Variants in CHRNA10 observed in about 807,000 individuals in gnomAD.
CHRNA10 encodes the protein neuronal acetylcholine receptor subunit alpha-10.
In CHRNA10, 31 loss-of-function variants were observed where a neutral mutation model predicts 36.0. The ratio of observed to expected loss-of-function variants is 0.86; its 90% CI spans 0.65 to 1.16. The LOEUF (loss-of-function observed/expected upper bound fraction) is 1.16. CHRNA10 is among the 50% of genes most tolerant of loss of function. CHRNA10 has a pLI of 0.00. For missense variants in CHRNA10, 648 were observed against 640.9 expected (o/e 1.01, Z -0.12); for synonymous variants, 302 against 287.0 (o/e 1.05, Z -0.53).
In CHRNA10 at chr11:3,667,424, G is replaced by A. The variant is rs535473918; in HGVS notation, c.703C>T (p.Arg235Cys). 6.9e-6 allele frequency: 11 copies of A among 1,596,878 alleles called. No homozygotes were observed. Among genetic ancestry groups the A allele is most frequent in the East Asian group, 4.5e-5 (2 of 44,574 alleles). ...DVTFTLLLRR[R>C]AAAYVCNLLL... ...AGGTTGCACACGTAGGCGGCGGCGC[G>A]GCGGCGCAGCAGCAGCGTGAAGGTG... Residue 235 changes from arginine (R) to cysteine (C), a missense_variant, in exon 4 of 5, where the codon CGC becomes TGC. By Grantham distance (180) the Arg-to-Cys change is radical (BLOSUM62 -3). Coordinates refer to ENST00000250699, the MANE Select transcript of CHRNA10 (RefSeq NM_020402.4).
rs761382564 is a variant in CHRNA10, at chr11:3,667,539, G to A, written c.588C>T (p.Phe196=). The A allele has an allele frequency of 3.2e-6, 5 of 1,584,816 alleles. No homozygotes were observed. Among genetic ancestry groups the A allele is most frequent in the Admixed American group, 3.4e-5 (2 of 58,344 alleles). The part of the protein sequence containing the change: ...PRGAAASLAD[F]VENVEWRVLG... ...GCACGCGCCACTCCACGTTCTCCAC[G>A]AAGTCCGCCAGGCTGGCTGCAGCGC... The change falls in exon 4 of 5, where the codon TTC becomes TTT. Residue 196 remains phenylalanine (F), a synonymous_variant. Coordinates refer to ENST00000250699, the MANE Select transcript of CHRNA10 (RefSeq NM_020402.4).
chr11:3,671,140 AG>A (rs1328368011), intron 1 of CHRNA10, 111 bp downstream of exon 1: 2 of 1,126,024 alleles, frequency 1.8e-6, no homozygotes, highest in African/African-American at 1.5e-5. Context: ...GCTTGTTCTC[AG>A]AACAGGTACT....
At chr11:3,668,427 T>A (rs958181363) in intron 3 of CHRNA10, 1 of 152,158 alleles carries the variant, frequency 6.6e-6, no homozygotes, top group Non-Finnish European at 1.5e-5. Context: ...GCAGGAGAAT[T>A]GCGTGAACCC....
chr11:3,666,440 C>T lies in CHRNA10; in HGVS notation c.1020G>A (p.Leu340=), dbSNP rs1207162270. ...ACAGGCCCCGTGCCAGGTGTCCCAG[C>T]AGGAGGGCCCTAGCCCAGGCTGGCA... ...RPVPAWARAL[L]LGHLARGLCV... is the part of the protein sequence containing the mutation. Residue 340 remains leucine, a synonymous_variant, in exon 5 of 5, where the codon CTG becomes CTA. Coordinates refer to ENST00000250699, the MANE Select transcript of CHRNA10 (RefSeq NM_020402.4). 2 of 1,613,780 alleles carry T rather than the reference C, an allele frequency of 1.2e-6. No homozygotes were observed. The highest frequency in any genetic ancestry group is 1.7e-6 in the Non-Finnish European group (2 of 1,179,896).
Position 3,667,454 on chromosome 11 carries a change from C to A in CHRNA10, c.673G>T (p.Asp225Tyr). 2 of 1,594,356 alleles carry A rather than the reference C, an allele frequency of 1.3e-6. No homozygotes were observed. The highest frequency in any genetic ancestry group is 8.5e-7 in the Non-Finnish European group (1 of 1,175,946). Reference protein sequence around the residue: ...TYGCCSEPYPDVTFTLLLRRR... With the variant: ...TYGCCSEPYPYVTFTLLLRRR... Reference sequence around the variant, plus strand: ...CGCAGCAGCAGCGTGAAGGTGACGTCGGGGTAGGGCTCGGAGCAGCAGCCG... The same window carrying A: ...CGCAGCAGCAGCGTGAAGGTGACGTAGGGGTAGGGCTCGGAGCAGCAGCCG... Residue 225 changes from aspartate (D) to tyrosine (Y), a missense_variant, in exon 4 of 5, where the codon GAC (aspartate) becomes TAC (tyrosine). By Grantham distance (160) the Asp-to-Tyr change is radical. Transcript: ENST00000250699.
At chr11:3,669,085 G>A (rs2077693262) in intron 3 of CHRNA10, 111 bp downstream of exon 3, 2 of 1,252,506 alleles carry the variant, frequency 1.6e-6, no homozygotes, top group Non-Finnish European at 1.1e-6. Context: ...AAGCTTCCAG[G>A]GCAGCGTGGC....
chr11:3,667,086 T>C (rs2077667987), intron 4 of CHRNA10, 146 bp downstream of exon 4: 4 of 1,317,024 alleles, frequency 3.0e-6, no homozygotes, highest in Non-Finnish European at 4.0e-6. Flanking sequence ...TCCTTTCCCC[T>C]CAGTCTTAAA....
chr11:3,667,202 G>T (rs559435979), intron 4 of CHRNA10, 30 bp downstream of exon 4: 1 of 1,525,632 alleles, frequency 6.6e-7, no homozygotes. Context: ...CCAGCGCATC[G>T]TCAGGTCCCC....
In CHRNA10 at chr11:3,667,372, A is replaced by G; in HGVS notation, c.755T>C (p.Leu252Pro). The change falls in exon 4 of 5, where the codon CTG (leucine) becomes CCG (proline). Residue 252 changes from leucine (L) to proline (P), a missense_variant. Physicochemically the swap from Leu to Pro is moderately conservative, Grantham distance 98. Coordinates refer to ENST00000250699, the MANE Select transcript of CHRNA10 (RefSeq NM_020402.4). The stretch of plus-strand genomic sequence containing the variant: ...CAGGTGGAAGGCGAGCGGCGCAAGC[A>G]GCGAGATGAGCACGCAGGGCAGCAG... ...NLLLPCVLIS[L>P]LAPLAFHLPA... 1 of 1,601,862 alleles carries G rather than the reference A, an allele frequency of 6.2e-7. No homozygotes were observed. Among genetic ancestry groups the G allele is most frequent in the South Asian group, 1.1e-5 (1 of 90,922 alleles).
chr11:3,670,978 C>T lies in CHRNA10; in HGVS notation c.61+274G>A, dbSNP rs1035927268. On this transcript the variant is annotated intron_variant, in intron 1 of 4. Coordinates refer to ENST00000250699, the MANE Select transcript of CHRNA10 (RefSeq NM_020402.4). ...TCCCCGTCATCTGCAGGAGAAAGAC[C>T]TGGCCTGGCCGGCAGGCCCTTCAAC... 7.7e-6 allele frequency: 4 copies of T among 522,320 alleles called. 1 individual carries two copies. The highest frequency in any genetic ancestry group is 6.6e-5 in the East Asian group (2 of 30,114). 32.4% of individuals were successfully genotyped at this position (522,320 alleles called of 1,614,324 possible). A position where few individuals can be genotyped will look rare whatever the true frequency, so the allele number is the denominator to read the frequency against.
At chr11:3,666,869 C>A (rs537659467) in intron 4 of CHRNA10, among the ~76,000 whole-genome samples, 1 of 152,188 alleles carries the variant, frequency 6.6e-6, no homozygotes, top group Non-Finnish European at 1.5e-5. Flanking sequence ...AGATACGAAT[C>A]CTTTTTGTAC....
intron 2 of CHRNA10, 22 bp downstream of exon 2, chr11:3,669,774 C>T (rs1295959842): frequency 1.9e-6 from 3 of 1,613,878 alleles, no homozygotes; most frequent in Admixed American, 3.3e-5. Context: ...GACTCCACAG[C>T]TGTACCACCA....
rs2077706566 is a variant in CHRNA10 at position 3,670,635 on chromosome 11, C to T, written c.61+617G>A. Among the ~76,000 whole-genome samples the T allele has an allele frequency of 2.0e-5, 3 of 152,328 alleles. No homozygotes were observed. In the South Asian group the frequency reaches 6.2e-4, roughly 32 times the overall value. On this transcript the variant is annotated intron_variant, in intron 1 of 4. Coordinates refer to ENST00000250699, the MANE Select transcript of CHRNA10 (RefSeq NM_020402.4). ...AAACCTGCTTCCTATCCCATGTTCC[C>T]TATCTCAGCAAATAGCATGCCCTCA...
rs752666971 is a variant in CHRNA10, at chr11:3,666,121, C to T, written c.1339G>A (p.Val447Met). ...MALVMSLLVL[V>M]QAL ...AGTCCCAGCCCTCACAGGGCCTGCACCAGCACCAGGAGGCTCATGACCAGG... is the reference window on the plus strand; with the variant it reads ...AGTCCCAGCCCTCACAGGGCCTGCATCAGCACCAGGAGGCTCATGACCAGG... The change falls in exon 5 of 5, where the codon GTG becomes ATG. Residue 447 changes from valine to methionine, a missense_variant. By Grantham distance (21) the Val-to-Met change is conservative (BLOSUM62 1). Transcript: ENST00000250699. 1 of 1,558,338 alleles carries T rather than the reference C, an allele frequency of 6.4e-7. No homozygotes were observed. The highest frequency in any genetic ancestry group is 1.9e-5 in the Admixed American group (1 of 52,156).
Position 3,666,503 on chromosome 11 carries a change from G to C in CHRNA10, c.957C>G (p.Ile319Met). ...VTFSTALTIL[I>M]MNLHYCGPSV... Reference sequence around the variant, plus strand: ...TGGGACCACAGTAATGCAGGTTCATGATAAGGATGGTGAGTGCTGTTGAGA... The same window carrying C: ...TGGGACCACAGTAATGCAGGTTCATCATAAGGATGGTGAGTGCTGTTGAGA... The change falls in exon 5 of 5, where the codon ATC becomes ATG. Residue 319 changes from isoleucine to methionine, a missense_variant. Transcript: ENST00000250699. The C allele has an allele frequency of 6.2e-7, 1 of 1,602,616 alleles. No individual in the cohort carries two copies. Among genetic ancestry groups the C allele is most frequent in the Non-Finnish European group, 8.5e-7 (1 of 1,173,148 alleles).
chr11:3,666,413 G>A lies in CHRNA10; in HGVS notation c.1047C>T (p.Cys349=), dbSNP rs555234421. 40 of 1,613,930 alleles carry A rather than the reference G, an allele frequency of 2.5e-5. No individual in the cohort carries two copies. The highest frequency in any genetic ancestry group is 3.3e-5 in the South Asian group (3 of 91,072). Reference sequence around the variant, plus strand: ...CACAGGGCTCCCCTCTTTCCCGCACGCACAGGCCCCGTGCCAGGTGTCCCA... The same window carrying A: ...CACAGGGCTCCCCTCTTTCCCGCACACACAGGCCCCGTGCCAGGTGTCCCA... ...LLLGHLARGL[C]VRERGEPCGQ... The change falls in exon 5 of 5, where the codon TGC becomes TGT. Residue 349 remains cysteine (C), a synonymous_variant. Coordinates refer to ENST00000250699, the MANE Select transcript of CHRNA10 (RefSeq NM_020402.4).
chr11:3,666,569 AAGAG>A lies in CHRNA10; in HGVS notation c.896-9_896-6del, dbSNP rs1432942524. The A allele has an allele frequency of 8.6e-6, 13 of 1,519,960 alleles. No homozygotes were observed. Among genetic ancestry groups the A allele is most frequent in the South Asian group, 1.3e-5 (1 of 75,996 alleles). The allele number at this position is 1,519,960 out of a possible 1,614,324, so 94.2% of individuals were successfully genotyped here. A position where few individuals can be genotyped will look rare whatever the true frequency, so the allele number is the denominator to read the frequency against. ...TAGTGGCCATGTAGTACTTCCCTGC[AAGAG>A]AGAGAGAAAGCCAATTGACTCAAAA... On this transcript the variant is annotated splice_polypyrimidine_tract_variant and splice_region_variant and intron_variant, in intron 4 of 4. Coordinates refer to ENST00000250699, the MANE Select transcript of CHRNA10 (RefSeq NM_020402.4).
intron 3 of CHRNA10, chr11:3,668,915 T>C (rs766313184): frequency 2.5e-5 from 8 of 325,348 alleles, no homozygotes; most frequent in Non-Finnish European, 3.4e-5. Context: ...GACTTAGAGC[T>C]AAAAGTGTGC....
Position 3,666,553 on chromosome 11 carries a change from T to C in CHRNA10, c.907A>G (p.Met303Val), listed in dbSNP as rs762589292. The C allele has an allele frequency of 4.5e-5, 69 of 1,539,028 alleles. No individual in the cohort carries two copies. Among genetic ancestry groups the C allele is most frequent in the African/African-American group, 6.9e-5 (5 of 72,542 alleles). ...ESVPLIGKYY[M>V]ATMTMVTFST... Reference sequence around the variant, plus strand: ...AATGTGACCATGGTCATAGTGGCCATGTAGTACTTCCCTGCAAGAGAGAGA... The same window carrying C: ...AATGTGACCATGGTCATAGTGGCCACGTAGTACTTCCCTGCAAGAGAGAGA... The change falls in exon 5 of 5, where the codon ATG becomes GTG. Residue 303 changes from methionine to valine, a missense_variant. Met to Val is a conservative substitution (Grantham distance 21, BLOSUM62 1). Transcript: ENST00000250699.
Sources: gnomAD v4.1 joint callset for allele counts (sites outside exome capture counted in the v4.1 genomes callset) on GRCh38, gnomAD v4.1.1 for gene constraint, MANE v1.5 for transcripts, NCBI Gene and HGNC (gene_info 2026-07-23, HGNC 2026-07-21) for gene names.